The following ADAM29 variants were observed in gnomAD, a reference collection of about 807,000 sequenced individuals.
The protein encoded by ADAM29 is disintegrin and metalloproteinase domain-containing protein 29.
For synonymous variants in ADAM29, 367 were observed against 342.3 expected, an observed-to-expected ratio of 1.07 and a Z score of -0.80; for missense variants, 969 against 1,001.8, an observed-to-expected ratio of 0.97 and a Z score of 0.44.
intron 4 of ADAM29, among the ~76,000 whole-genome samples, chr4:174,955,420 C>T (rs993397082): frequency 2.0e-5 from 3 of 152,032 alleles, no homozygotes; most frequent in African/African-American, 7.2e-5. Flanking sequence ...CTCTGACACA[C>T]AGTTATTATA....
At chr4:174,956,295 T>A (rs1389203687) in intron 4 of ADAM29, among the ~76,000 whole-genome samples, 1 of 152,044 alleles carries the variant, frequency 6.6e-6, no homozygotes, top group African/African-American at 2.4e-5. Flanking sequence ...TCTATACAAA[T>A]TCCATTCAAT....
chr4:174,966,915 T>C (rs1183093090), intron 4 of ADAM29, among the ~76,000 whole-genome samples: 1 of 152,196 alleles, frequency 6.6e-6, no homozygotes, highest in African/African-American at 2.4e-5. Context: ...CCCATCACTT[T>C]CCCTTTCAGT....
At chr4:174,940,196 G>A (rs1486992628) in intron 4 of ADAM29, among the ~76,000 whole-genome samples, 1 of 152,094 alleles carries the variant, frequency 6.6e-6, no homozygotes, top group Non-Finnish European at 1.5e-5. Context: ...ACACCTCATG[G>A]TGGCAAAACA....
chr4:174,977,346 T>G lies in ADAM29; in HGVS notation c.1821T>G (p.Asp607Glu), dbSNP rs1560900004. The part of the protein sequence containing the change: ...EVKDGTECGI[D>E]HICIHRHCVH... ...AAGATGGAACAGAGTGTGGGATAGATCATATATGCATCCACAGGCACTGTG... is the reference window on the plus strand; with the variant it reads ...AAGATGGAACAGAGTGTGGGATAGAGCATATATGCATCCACAGGCACTGTG... Residue 607 changes from aspartate to glutamate, a missense_variant, in exon 5 of 5, where the codon GAT becomes GAG. Physicochemically the swap from Asp to Glu is conservative, Grantham distance 45 (BLOSUM62 2). Coordinates refer to ENST00000359240, the MANE Select transcript of ADAM29 (RefSeq NM_014269.4). 6.2e-7 allele frequency: 1 copy of G among 1,613,572 alleles called. No homozygotes were observed. Among genetic ancestry groups the G allele is most frequent in the South Asian group, 1.1e-5 (1 of 91,076 alleles).
intron 4 of ADAM29, among the ~76,000 whole-genome samples, chr4:174,938,230 G>A (rs574171265): frequency 1.3e-5 from 2 of 152,190 alleles, no homozygotes; most frequent in Admixed American, 6.6e-5. Context: ...AAATCTTGGG[G>A]CGGGGCAAGA....
intron 4 of ADAM29, among the ~76,000 whole-genome samples, chr4:174,963,763 A>G (rs1388900634): frequency 6.6e-6 from 1 of 152,086 alleles, no homozygotes; most frequent in Admixed American, 6.6e-5. Flanking sequence ...GCTCACTGCA[A>G]CCTCTGCCTC....
At chr4:174,926,688 T>C (rs1166140708) in intron 2 of ADAM29, among the ~76,000 whole-genome samples, 1 of 139,544 alleles carries the variant, frequency 7.2e-6, no homozygotes, top group East Asian at 2.1e-4. Context: ...ACACCACTGC[T>C]CTCCAGCCTA....
rs759058388 is a variant in ADAM29, at chr4:174,978,113, A to T, written c.*125A>T. ...CCTTACCGGAGTAAAAGTGGTAAAC[A>T]AAAGCAATCAGTACCAATTCCAAAA... On this transcript the variant is annotated 3_prime_UTR_variant, in exon 5 of 5. Transcript: ENST00000359240. 2.1e-5 allele frequency: 31 copies of T among 1,464,710 alleles called. No homozygotes were observed. The highest frequency in any genetic ancestry group is 2.5e-5 in the Non-Finnish European group (27 of 1,080,318). The allele number at this position is 1,464,710 out of a possible 1,614,324, so 90.7% of individuals were successfully genotyped here.
At chr4:174,931,848 A>T (rs1240744922) in intron 3 of ADAM29, among the ~76,000 whole-genome samples, 2 of 152,104 alleles carry the variant, frequency 1.3e-5, no homozygotes, top group African/African-American at 4.8e-5. Context: ...GCACACATAC[A>T]CACAGTGAGA....
At position 174,964,397 on chromosome 4, in the gene ADAM29, TACCA is replaced by T. The variant is rs33954621; in HGVS notation, c.-180-10948_-180-10945del. Among the ~76,000 whole-genome samples the T allele has an allele frequency of 4.6e-3, 693 of 152,218 alleles. 4 individuals carry two copies. Among genetic ancestry groups the T allele is most frequent in the African/African-American group, 0.016 (672 of 41,504 alleles). ...AACACTTTGATCTCAGACTTCTAGA[TACCA>T]TAACAGAAAATAAATTGTTTAGGCC... On this transcript the variant is annotated intron_variant, in intron 4 of 4. Transcript: ENST00000359240.
intron 2 of ADAM29, among the ~76,000 whole-genome samples, chr4:174,923,519 T>TA (rs546026641): frequency 2.7e-5 from 1 of 36,772 alleles, no homozygotes; most frequent in African/African-American, 5.8e-5. Flanking sequence ...ATACTGTGCA[T>TA]TATATGTATA....
chr4:174,976,994 G>C lies in ADAM29; in HGVS notation c.1469G>C (p.Arg490Thr). Residue 490 changes from arginine (R) to threonine (T), a missense_variant, in exon 5 of 5, where the codon AGG becomes ACG. Physicochemically the swap from Arg to Thr is moderately conservative, Grantham distance 71. Coordinates refer to ENST00000359240, the MANE Select transcript of ADAM29 (RefSeq NM_014269.4). ...YVEDGIPCKE[R>T]GYCYEKSCHD... ...GAAGATGGAATTCCCTGTAAGGAGAGGGGCTACTGCTATGAAAAGAGCTGT... is the reference window on the plus strand; with the variant it reads ...GAAGATGGAATTCCCTGTAAGGAGACGGGCTACTGCTATGAAAAGAGCTGT... 1 of 1,614,122 alleles carries C rather than the reference G, an allele frequency of 6.2e-7. No individual in the cohort carries two copies. Among genetic ancestry groups the C allele is most frequent in the Non-Finnish European group, 8.5e-7 (1 of 1,179,990 alleles).
chr4:174,924,860 C>CTA (rs1661900957), intron 2 of ADAM29, among the ~76,000 whole-genome samples: 1 of 152,136 alleles, frequency 6.6e-6, no homozygotes, highest in Admixed American at 6.5e-5. Context: ...CTTTCAAAGG[C>CTA]TACAGTGTGG....
intron 4 of ADAM29, among the ~76,000 whole-genome samples, chr4:174,961,477 T>C (rs910471768): frequency 6.6e-6 from 1 of 151,994 alleles, no homozygotes; most frequent in South Asian, 2.1e-4. Flanking sequence ...ACAATGACTA[T>C]CTTGTGATTC....
At chr4:174,931,926 TTTTA>T (rs1192756676) in intron 3 of ADAM29, among the ~76,000 whole-genome samples, 2 of 152,160 alleles carry the variant, frequency 1.3e-5, no homozygotes, top group African/African-American at 4.8e-5. Context: ...CTCATTTGTA[TTTTA>T]TTTAAATTTT....
intron 4 of ADAM29, among the ~76,000 whole-genome samples, chr4:174,951,236 G>A (rs1422243771): frequency 1.3e-5 from 2 of 152,144 alleles, no homozygotes; most frequent in Admixed American, 6.6e-5. Context: ...GTATGAACAC[G>A]TGGGCTGACC....
At position 174,977,027 on chromosome 4, in the gene ADAM29, G is replaced by A. The variant is rs770121352; in HGVS notation, c.1502G>A (p.Arg501His). 71 of 1,614,024 alleles carry A rather than the reference G, an allele frequency of 4.4e-5. 1 individual carries two copies. Among genetic ancestry groups the A allele is most frequent in the Middle Eastern group, 3.3e-4 (2 of 6,082 alleles). Reference sequence around the variant, plus strand: ...TGCTATGAAAAGAGCTGTCATGACCGCAATGAACAGTGTAGGAGGATTTTT... The same window carrying A: ...TGCTATGAAAAGAGCTGTCATGACCACAATGAACAGTGTAGGAGGATTTTT... ...GYCYEKSCHDRNEQCRRIFGA... is the reference protein window; with the variant it reads ...GYCYEKSCHDHNEQCRRIFGA... The change falls in exon 5 of 5, where the codon CGC becomes CAC. Residue 501 changes from arginine (R) to histidine (H), a missense_variant. Arg to His is a conservative substitution (Grantham distance 29). Coordinates refer to ENST00000359240, the MANE Select transcript of ADAM29 (RefSeq NM_014269.4).
intron 2 of ADAM29, among the ~76,000 whole-genome samples, chr4:174,927,123 G>C (rs1171240858): frequency 6.6e-6 from 1 of 152,086 alleles, no homozygotes; most frequent in Non-Finnish European, 1.5e-5. Context: ...GTGCTAGCAA[G>C]AATGCAGACA....
At position 174,976,638 on chromosome 4, in the gene ADAM29, T is replaced by C. The variant is rs779514942; in HGVS notation, c.1113T>C (p.Tyr371=). The C allele has an allele frequency of 3.7e-6, 6 of 1,613,084 alleles. No individual in the cohort carries two copies. Among genetic ancestry groups the C allele is most frequent in the Middle Eastern group, 1.6e-4 (1 of 6,076 alleles). ...PPITKFSNCS[Y]GDFWEYTVER... The stretch of plus-strand genomic sequence containing the variant: ...TAACTAAATTTAGCAATTGTAGTTA[T>C]GGTGATTTTTGGGAATATACTGTAG... The change falls in exon 5 of 5, where the codon TAT becomes TAC. Residue 371 remains tyrosine (Y), a synonymous_variant. Transcript: ENST00000359240.
Sources: allele counts gnomAD v4.1 joint callset (sites outside exome capture counted in the v4.1 genomes callset), GRCh38; gene constraint gnomAD v4.1.1; transcripts MANE v1.5; gene names NCBI Gene and HGNC (gene_info 2026-07-23, HGNC 2026-07-21).